Variants in UBR3 observed in about 807,000 individuals in gnomAD.
The protein encoded by UBR3 is ubiquitin protein ligase E3 component n-recognin 3.
In UBR3, 85 loss-of-function variants were observed where a neutral mutation model predicts 243.2. The observed-to-expected ratio is 0.35, with a 90% CI of 0.29 to 0.42. UBR3 has a LOEUF of 0.42. Ranked by LOEUF, UBR3 falls within the 10% of genes least tolerant of loss-of-function variation. The pLI, the probability that UBR3 is intolerant of heterozygous loss-of-function variation, is 1.00. For synonymous variants in UBR3, 748 were observed against 799.8 expected (o/e 0.94, Z 1.09); for missense variants, 1,686 against 2,300.8 (o/e 0.73, Z 5.47).
At chr2:169,963,606 T>A (rs2087677617) in intron 24 of UBR3, among the ~76,000 whole-genome samples, 1 of 152,152 alleles carries the variant, frequency 6.6e-6, no homozygotes, top group African/African-American at 2.4e-5. Context: ...TTTCAGTGTA[T>A]AAAGTTAATT....
chr2:169,884,834 C>T (rs764912702), intron 5 of UBR3, among the ~76,000 whole-genome samples: 4 of 152,048 alleles, frequency 2.6e-5, no homozygotes, highest in Middle Eastern at 6.8e-3. Flanking sequence ...TTTTGTTCTT[C>T]TCAAAGTATT....
chr2:170,062,968 T>C (rs762716194), intron 35 of UBR3, among the ~76,000 whole-genome samples: 2 of 152,330 alleles, frequency 1.3e-5, no homozygotes, highest in South Asian at 4.1e-4. Context: ...TTGTAATGGA[T>C]CTTGAATTTC....
At chr2:169,976,750 C>T (rs1352615757) in intron 24 of UBR3, among the ~76,000 whole-genome samples, 1 of 152,044 alleles carries the variant, frequency 6.6e-6, no homozygotes, top group African/African-American at 2.4e-5. Flanking sequence ...CTTTTTGAGT[C>T]TAATCTATTT....
chr2:169,878,459 A>AAT, intron 4 of UBR3, 66 bp from the exon 5 acceptor site: 2 of 1,430,364 alleles, frequency 1.4e-6, no homozygotes, highest in Non-Finnish European at 1.9e-6. Context: ...TATTTCTCAG[A>AAT]ATAATTTGAA....
At chr2:170,075,321 T>C (rs2091784426) in intron 36 of UBR3, among the ~76,000 whole-genome samples, 1 of 152,130 alleles carries the variant, frequency 6.6e-6, no homozygotes, top group Admixed American at 6.6e-5. Context: ...CATACTTTGA[T>C]GTCTGAAAAC....
chr2:169,879,234 A>G (rs2083731273), intron 5 of UBR3, among the ~76,000 whole-genome samples: 1 of 151,970 alleles, frequency 6.6e-6, no homozygotes, highest in Non-Finnish European at 1.5e-5. Flanking sequence ...TTTAATTAAA[A>G]TCTAAAAAAT....
At chr2:170,081,064 T>TTGCTGGACC (rs2091896691) in intron 38 of UBR3, among the ~76,000 whole-genome samples, 1 of 151,990 alleles carries the variant, frequency 6.6e-6, no homozygotes. Flanking sequence ...GTGGTGGTCA[T>TTGCTGGACC]ACACCTGTGG....
chr2:169,877,593 G>A lies in UBR3; in HGVS notation c.944G>A (p.Gly315Asp), dbSNP rs1181695994. Residue 315 changes from glycine to aspartate, a missense_variant, in exon 4 of 39, where the codon GGT becomes GAT. Gly to Asp is a moderately conservative substitution (Grantham distance 94). Transcript: ENST00000272793. ...TATCCTGAGGATAAGCTTGTATATG[G>A]TGTGCAGGAGCCATCTGCTGGTACT... ...LTYPEDKLVY[G>D]VQEPSAGTSS... 1 of 1,548,746 alleles carries A rather than the reference G, an allele frequency of 6.5e-7. No homozygotes were observed. The highest frequency in any genetic ancestry group is 8.7e-7 in the Non-Finnish European group (1 of 1,146,480).
chr2:169,906,008 A>G (rs1275068443), intron 9 of UBR3, 23 bp from the exon 10 acceptor site: 2 of 1,548,160 alleles, frequency 1.3e-6, no homozygotes, highest in African/African-American at 1.4e-5. Flanking sequence ...GACAAGGTTT[A>G]TATCTGCTTT....
At chr2:170,074,285 G>A (rs1165860291) in intron 36 of UBR3, among the ~76,000 whole-genome samples, 1 of 152,186 alleles carries the variant, frequency 6.6e-6, no homozygotes, top group Non-Finnish European at 1.5e-5. Context: ...AGTAACTAAT[G>A]TAAGAGACAT....
Position 170,006,981 on chromosome 2 carries a change from G to A in UBR3, c.4030-9G>A, listed in dbSNP as rs755702716. On this transcript the variant is annotated splice_polypyrimidine_tract_variant and intron_variant, in intron 27 of 38. Transcript: ENST00000272793. Reference sequence around the variant, plus strand: ...TATCACGCATCTGTATGTTTATTTCGTCTTTTAGAATGACCAGGTTCTTCA... The same window carrying A: ...TATCACGCATCTGTATGTTTATTTCATCTTTTAGAATGACCAGGTTCTTCA... 3.0e-5 allele frequency: 48 copies of A among 1,610,312 alleles called. No individual in the cohort carries two copies. The highest frequency in any genetic ancestry group is 4.5e-5 in the East Asian group (2 of 44,788).
At chr2:170,039,505 A>G (rs1181738238) in intron 31 of UBR3, among the ~76,000 whole-genome samples, 1 of 152,164 alleles carries the variant, frequency 6.6e-6, no homozygotes, top group African/African-American at 2.4e-5. Context: ...ACTAAGGAAT[A>G]TTTGTAGAAA....
At chr2:169,875,197 G>A (rs2083562062) in intron 2 of UBR3, among the ~76,000 whole-genome samples, 1 of 152,010 alleles carries the variant, frequency 6.6e-6, no homozygotes, top group Non-Finnish European at 1.5e-5. Flanking sequence ...TACTCTCAAT[G>A]TATTTGAATT....
At chr2:169,870,965 TAA>T (rs552094980) in intron 1 of UBR3, among the ~76,000 whole-genome samples, 14 of 141,800 alleles carry the variant, frequency 9.9e-5, no homozygotes, top group African/African-American at 7.8e-5. Flanking sequence ...AAACTGTCTT[TAA>T]AAAAAAAAAA....
chr2:170,045,953 G>C (rs1246071949), intron 32 of UBR3, among the ~76,000 whole-genome samples: 1 of 142,448 alleles, frequency 7.0e-6, no homozygotes, highest in Non-Finnish European at 1.5e-5. Context: ...TTCCATAGTT[G>C]CTTCTTGTAA....
At chr2:170,017,538 C>CAG (rs1193667996) in intron 30 of UBR3, among the ~76,000 whole-genome samples, 45 of 26,574 alleles carry the variant, frequency 1.7e-3, no homozygotes, top group African/African-American at 3.7e-3. Context: ...CACACACACA[C>CAG]ACACACAGAC....
intron 2 of UBR3, among the ~76,000 whole-genome samples, chr2:169,873,801 AT>A (rs1161774545): frequency 6.6e-6 from 1 of 152,206 alleles, no homozygotes; most frequent in East Asian, 1.9e-4. Flanking sequence ...GGTTATTGAA[AT>A]TGCCTTATGC....
At chr2:169,837,252 G>A (rs2082139861) in intron 1 of UBR3, among the ~76,000 whole-genome samples, 2 of 152,238 alleles carry the variant, frequency 1.3e-5, no homozygotes, top group Non-Finnish European at 2.9e-5. Flanking sequence ...CGAGGCAGGT[G>A]AATCACCTGA....
At chr2:169,862,816 T>G (rs1230227783) in intron 1 of UBR3, among the ~76,000 whole-genome samples, 3 of 152,216 alleles carry the variant, frequency 2.0e-5, no homozygotes, top group African/African-American at 7.2e-5. Flanking sequence ...CATTTAATGT[T>G]TCTGAGATTT....
Sources: allele counts gnomAD v4.1 joint callset (sites outside exome capture counted in the v4.1 genomes callset), GRCh38; gene constraint gnomAD v4.1.1; transcripts MANE v1.5; gene names NCBI Gene and HGNC (gene_info 2026-07-23, HGNC 2026-07-21).